The following HRH1 variants were observed in gnomAD, a reference collection of about 807,000 sequenced individuals.
The protein encoded by HRH1 is histamine H1 receptor.
In HRH1, 6 loss-of-function variants were observed where a neutral mutation model predicts 10.3. The observed-to-expected ratio is 0.58, with a 90% confidence interval of 0.32 to 1.15. HRH1 has a LOEUF of 1.15. Ranked by LOEUF, HRH1 falls within the 50% of genes most tolerant of loss-of-function variation. HRH1 has a pLI of 0.05. For synonymous variants in HRH1, 242 were observed against 236.7 expected, an observed-to-expected ratio of 1.02 and a Z score of -0.21; for missense variants, 514 against 615.3, an observed-to-expected ratio of 0.84 and a Z score of 1.74.
At chr3:11,198,334 G>C (rs919318355) in intron 1 of HRH1, among the ~76,000 whole-genome samples, 2 of 151,914 alleles carry the variant, frequency 1.3e-5, no homozygotes, top group African/African-American at 4.8e-5. Flanking sequence ...AATTCCCGAC[G>C]CTCTTAACAT....
chr3:11,150,649 T>C (rs1936588162), upstream of HRH1, among the ~76,000 whole-genome samples: 1 of 152,216 alleles, frequency 6.6e-6, no homozygotes, highest in African/African-American at 2.4e-5. Context: ...AAGTTATCAG[T>C]GAAGACTTTA....
At chr3:11,241,874 A>G (rs1939351714) in intron 1 of HRH1, among the ~76,000 whole-genome samples, 1 of 150,664 alleles carries the variant, frequency 6.6e-6, no homozygotes, top group South Asian at 2.1e-4. Context: ...GCTCTCTAAA[A>G]CATAAAACAC....
chr3:11,250,385 G>A (rs1001051408), intron 1 of HRH1, among the ~76,000 whole-genome samples: 2 of 151,964 alleles, frequency 1.3e-5, no homozygotes, highest in South Asian at 2.1e-4. Context: ...TTACATTTTC[G>A]GGGGTAGGTA....
chr3:11,205,058 C>T (rs1938067638), intron 1 of HRH1, among the ~76,000 whole-genome samples: 1 of 152,170 alleles, frequency 6.6e-6, no homozygotes, highest in Admixed American at 6.5e-5. Flanking sequence ...CAAATTTGCA[C>T]AGTTAATGAA....
intron 1 of HRH1, among the ~76,000 whole-genome samples, chr3:11,166,484 G>A (rs997433575): frequency 2.0e-5 from 3 of 152,216 alleles, no homozygotes; most frequent in African/African-American, 7.2e-5. Context: ...CCCTGGTGAG[G>A]CCTACATTGT....
intron 1 of HRH1, among the ~76,000 whole-genome samples, chr3:11,251,920 G>A (rs1939663187): frequency 6.6e-6 from 1 of 152,198 alleles, no homozygotes; most frequent in Non-Finnish European, 1.5e-5. Flanking sequence ...TGGGTTACTG[G>A]GTTAAGAATT....
At chr3:11,158,100 C>A (rs1207998772) in intron 1 of HRH1, among the ~76,000 whole-genome samples, 2 of 152,214 alleles carry the variant, frequency 1.3e-5, no homozygotes, top group Non-Finnish European at 2.9e-5. Flanking sequence ...GCTTTCTTAT[C>A]TGTAAAATGA....
intron 1 of HRH1, among the ~76,000 whole-genome samples, chr3:11,241,033 A>C (rs1939322450): frequency 6.6e-6 from 1 of 152,256 alleles, no homozygotes; most frequent in Admixed American, 6.5e-5. Flanking sequence ...TGTGGAAAAC[A>C]TTTCTTTATT....
intron 1 of HRH1, among the ~76,000 whole-genome samples, chr3:11,212,581 C>T (rs1014199733): frequency 3.9e-5 from 6 of 152,180 alleles, no homozygotes; most frequent in African/African-American, 1.4e-4. Flanking sequence ...GGCACTTTTC[C>T]CCCTTCCTAA....
rs533336186 is a variant in HRH1 at position 11,224,217 on chromosome 3, T to C, written c.-35-34786T>C. On this transcript the variant is annotated intron_variant, in intron 1 of 1. Transcript: ENST00000431010. ...GAATAAGACGTGGCCTCTGCTCCCATGGATCTTCCAGCCAAACAGGGGAGA... is the reference window on the plus strand; with the variant it reads ...GAATAAGACGTGGCCTCTGCTCCCACGGATCTTCCAGCCAAACAGGGGAGA... Among the ~76,000 whole-genome samples, 6 of 152,320 alleles carry C rather than the reference T, an allele frequency of 3.9e-5. No homozygotes were observed. In the South Asian group the frequency reaches 1.0e-3, roughly 26 times the overall value.
At chr3:11,222,598 A>G (rs1938741905) in intron 1 of HRH1, among the ~76,000 whole-genome samples, 1 of 152,174 alleles carries the variant, frequency 6.6e-6, no homozygotes, top group South Asian at 2.1e-4. Context: ...AGTGAAGCAG[A>G]TAGCCACTGA....
chr3:11,179,428 G>A (rs1937309384), intron 1 of HRH1, among the ~76,000 whole-genome samples: 2 of 151,394 alleles, frequency 1.3e-5, no homozygotes, highest in Non-Finnish European at 2.9e-5. Flanking sequence ...AGAGCATCCC[G>A]GCTAACATGG....
At chr3:11,180,561 C>T (rs887172812) in intron 1 of HRH1, among the ~76,000 whole-genome samples, 1 of 152,176 alleles carries the variant, frequency 6.6e-6, no homozygotes, top group Non-Finnish European at 1.5e-5. Context: ...TACAAGGCCA[C>T]TGACCAGTAC....
intron 1 of HRH1, among the ~76,000 whole-genome samples, chr3:11,173,173 C>G (rs779241841): frequency 3.3e-5 from 5 of 152,184 alleles, no homozygotes; most frequent in Non-Finnish European, 7.4e-5. Context: ...CAGAGACTAC[C>G]TGGCTTTGAA....
chr3:11,170,701 G>T (rs1017202757), intron 1 of HRH1, among the ~76,000 whole-genome samples: 3 of 152,210 alleles, frequency 2.0e-5, no homozygotes, highest in African/African-American at 7.2e-5. Flanking sequence ...CACAGAAGTC[G>T]GCAGGGAGCA....
At chr3:11,231,885 A>G (rs1455909117) in intron 1 of HRH1, among the ~76,000 whole-genome samples, 1 of 152,060 alleles carries the variant, frequency 6.6e-6, no homozygotes, top group Non-Finnish European at 1.5e-5. Context: ...TCACAAGTCT[A>G]ATAACGTTTT....
intron 1 of HRH1, among the ~76,000 whole-genome samples, chr3:11,249,402 CAAAA>C (rs4037602): frequency 2.8e-5 from 2 of 71,870 alleles, no homozygotes; most frequent in East Asian, 3.9e-4. Context: ...GACTCTGTCT[CAAAA>C]AAAAAAAAAA....
chr3:11,204,421 G>T (rs1023456938), intron 1 of HRH1, among the ~76,000 whole-genome samples: 5 of 152,104 alleles, frequency 3.3e-5, no homozygotes, highest in African/African-American at 1.2e-4. Context: ...ACTAACCAGG[G>T]GTCAGGTGTT....
intron 1 of HRH1, among the ~76,000 whole-genome samples, chr3:11,250,157 CT>C (rs1559285662): frequency 6.7e-6 from 1 of 149,366 alleles, no homozygotes; most frequent in Non-Finnish European, 1.5e-5. Flanking sequence ...ATTCTCCTGC[CT>C]CAGCCTCCCG....
Sources: gnomAD v4.1 joint callset for allele counts (sites outside exome capture counted in the v4.1 genomes callset) on GRCh38, gnomAD v4.1.1 for gene constraint, MANE v1.5 for transcripts, NCBI Gene and HGNC (gene_info 2026-07-23, HGNC 2026-07-21) for gene names.